Variants in RTL4 observed in about 807,000 individuals in gnomAD.
RTL4 encodes retrotransposon Gag like 4.
Under a neutral mutation model 5.3 loss-of-function variants are expected in RTL4, and 4 were observed. That is an observed-to-expected ratio of 0.75 (90% CI 0.37 to 1.72). The LOEUF (loss-of-function observed/expected upper bound fraction) is 1.72. RTL4 is among the 40% of genes most tolerant of loss of function. The pLI is 0.04. For missense variants in RTL4, 260 were observed against 227.1 expected (o/e 1.14, Z -0.93); for synonymous variants, 98 against 87.3 (o/e 1.12, Z -0.68).
the RTL4 span, among the ~76,000 whole-genome samples, chrX:112,164,485 C>T: frequency 1.2e-4 from 13 of 112,008 alleles, no homozygotes; most frequent in Non-Finnish European, 1.7e-4. Flanking sequence ...TAAGACCATG[C>T]GGAGATGGAA....
chrX:112,148,661 G>A, the RTL4 span, among the ~76,000 whole-genome samples: 2 of 111,663 alleles, frequency 1.8e-5, no homozygotes, highest in African/African-American at 3.3e-5. Flanking sequence ...TTTGACCTGG[G>A]TTTGAAACCC....
the RTL4 span, among the ~76,000 whole-genome samples, chrX:112,130,108 G>C: frequency 1.8e-5 from 2 of 111,277 alleles, no homozygotes; most frequent in South Asian, 7.5e-4. Context: ...AAAAATGCTA[G>C]GGTTTTTTTG....
At chrX:112,415,471 C>A in the RTL4 span, among the ~76,000 whole-genome samples, 1 of 111,181 alleles carries the variant, frequency 9.0e-6, no homozygotes, top group African/African-American at 3.3e-5. Flanking sequence ...GGATATATGA[C>A]ATTTTTTTTA....
chrX:112,455,722 C>A, exon 1 of RTL4: 1 of 1,049,792 alleles, frequency 9.5e-7, no homozygotes. Context: ...TTATAACCTG[C>A]ATTAACTTTT....
chrX:112,396,540 C>G, the RTL4 span, among the ~76,000 whole-genome samples: 3 of 110,777 alleles, frequency 2.7e-5, no homozygotes, highest in South Asian at 1.2e-3. Context: ...TCTGACCCTC[C>G]TAGACTAGTT....
At chrX:112,271,230 T>C in the RTL4 span, among the ~76,000 whole-genome samples, 1 of 112,770 alleles carries the variant, frequency 8.9e-6, no homozygotes, top group Non-Finnish European at 1.9e-5. Flanking sequence ...GCAATTCATA[T>C]ATAAGACAGA....
the RTL4 span, among the ~76,000 whole-genome samples, chrX:112,214,816 T>C: frequency 9.1e-6 from 1 of 110,073 alleles, no homozygotes; most frequent in East Asian, 2.8e-4. Flanking sequence ...TGAGACGGAG[T>C]CTCTCTCTGT....
exon 1 of RTL4, chrX:112,455,642 A>G: frequency 8.3e-7 from 1 of 1,207,589 alleles, no homozygotes; most frequent in Non-Finnish European, 1.1e-6. Flanking sequence ...GCAACGACAA[A>G]TAACACAGCT....
At chrX:112,426,471 T>C in the RTL4 span, among the ~76,000 whole-genome samples, 1 of 111,708 alleles carries the variant, frequency 9.0e-6, no homozygotes, top group Non-Finnish European at 1.9e-5. Flanking sequence ...TGGAAAGAAC[T>C]GACATCTCGA....
the RTL4 span, among the ~76,000 whole-genome samples, chrX:112,441,818 A>G: frequency 0.48 from 53,241 of 110,973 alleles, 9,615 homozygotes; most frequent in African/African-American, 0.64. Flanking sequence ...ATTTATGTAG[A>G]CATGCAGACT....
chrX:112,342,322 C>A, the RTL4 span, among the ~76,000 whole-genome samples: 1 of 111,553 alleles, frequency 9.0e-6, no homozygotes, highest in Admixed American at 9.5e-5. Context: ...CTGGGACCCA[C>A]CTCCACAGAT....
chrX:112,083,281 C>T, the RTL4 span, among the ~76,000 whole-genome samples: 46 of 112,733 alleles, frequency 4.1e-4, no homozygotes, highest in African/African-American at 1.5e-3. Context: ...GCCCCTTGGC[C>T]TGAATATCCC....
the RTL4 span, among the ~76,000 whole-genome samples, chrX:112,192,352 G>A: frequency 1.2e-3 from 130 of 110,509 alleles, no homozygotes; most frequent in Non-Finnish European, 1.8e-3. Context: ...TAGGGGAAAA[G>A]CTTTTAGTCT....
At chrX:112,250,642 T>A in the RTL4 span, among the ~76,000 whole-genome samples, 2 of 112,531 alleles carry the variant, frequency 1.8e-5, no homozygotes, top group Non-Finnish European at 3.7e-5. Context: ...TCCCTCTGTA[T>A]GCAGATCTCT....
At chrX:112,297,643 A>G in the RTL4 span, among the ~76,000 whole-genome samples, 1 of 111,412 alleles carries the variant, frequency 9.0e-6, no homozygotes, top group African/African-American at 3.3e-5. Flanking sequence ...CACAAAGCCA[A>G]ACCATATCAA....
chrX:112,153,290 T>C, the RTL4 span, among the ~76,000 whole-genome samples: 1 of 111,857 alleles, frequency 8.9e-6, no homozygotes, highest in East Asian at 2.8e-4. Flanking sequence ...TAGTCATTCA[T>C]AGTAGATTTT....
the RTL4 span, among the ~76,000 whole-genome samples, chrX:112,403,889 T>C: frequency 1.1e-4 from 12 of 112,534 alleles, no homozygotes; most frequent in African/African-American, 2.9e-4. Context: ...TTTTGAAACA[T>C]GGAATTAGTT....
chrX:112,188,852 A>G, the RTL4 span, among the ~76,000 whole-genome samples: 1 of 110,681 alleles, frequency 9.0e-6, no homozygotes, highest in East Asian at 2.9e-4. Flanking sequence ...TTAAGGATCT[A>G]GTTTAACCTT....
chrX:112,396,626 T>A, the RTL4 span, among the ~76,000 whole-genome samples: 2 of 111,427 alleles, frequency 1.8e-5, no homozygotes, highest in African/African-American at 6.5e-5. Context: ...TTTCTCCTAT[T>A]ATTAATATCT....
Sources: allele counts gnomAD v4.1 joint callset (sites outside exome capture counted in the v4.1 genomes callset), GRCh38; gene constraint gnomAD v4.1.1; transcripts MANE v1.5; gene names NCBI Gene and HGNC (gene_info 2026-07-23, HGNC 2026-07-21).